RTL9: variants seen among roughly 807,000 people sequenced by gnomAD.
The protein encoded by RTL9 is retrotransposon Gag-like protein 9.
RTL9 carries 19 observed loss-of-function variants against 44.7 expected under a neutral mutation model. The observed-to-expected ratio is 0.42, with a 90% confidence interval of 0.30 to 0.62. RTL9 has a LOEUF of 0.62. Among genes scored for constraint, RTL9 ranks in the 20% least tolerant of loss-of-function variants. The probability of loss-of-function intolerance (pLI) is 0.16; values close to 1 mark genes in which losing one functional copy is unlikely to be tolerated. For missense variants in RTL9, 1,105 were observed against 1,080.6 expected (o/e 1.02, Z -0.32); for synonymous variants, 407 against 398.9 (o/e 1.02, Z -0.24).
chrX:110,401,169 C>G (rs2068561985), intron 1 of RTL9, among the ~76,000 whole-genome samples: 1 of 112,347 alleles, frequency 8.9e-6, no homozygotes, highest in African/African-American at 3.2e-5. Flanking sequence ...GGCTGCAAAG[C>G]TAGGATTTGA....
chrX:110,447,926 G>T (rs1235794627), upstream of RTL9, among the ~76,000 whole-genome samples: 3 of 111,702 alleles, frequency 2.7e-5, no homozygotes, highest in Admixed American at 9.5e-5. Flanking sequence ...GAAAACTGGA[G>T]TACTCTGGTA....
At chrX:110,410,294 A>C (rs2068633241) in intron 1 of RTL9, among the ~76,000 whole-genome samples, 1 of 111,845 alleles carries the variant, frequency 8.9e-6, no homozygotes, top group South Asian at 3.8e-4. Flanking sequence ...CACTCTGCCT[A>C]GAGGTAGAGG....
intron 1 of RTL9, among the ~76,000 whole-genome samples, chrX:110,427,313 A>G (rs12013732): frequency 3.0e-3 from 340 of 112,012 alleles, no homozygotes; most frequent in African/African-American, 9.4e-3. Context: ...AAATAGCCTC[A>G]CAACACCTGA....
In RTL9 at chrX:110,443,692, C is replaced by T. The variant is rs768736600; in HGVS notation, c.-167-1461C>T. Among the ~76,000 whole-genome samples the T allele has an allele frequency of 4.5e-4, 51 of 112,354 alleles. No individual in the cohort carries two copies. The South Asian group carries it at 0.011, about 25-fold the overall frequency. ...AATGCTTAGTAGTTGTAAACACGAT[C>T]GGATCTGCACTTCAGGGTGGGTGCA... is the stretch of plus-strand genomic sequence containing the variant. On this transcript the variant is annotated intron_variant, in intron 1 of 3. Coordinates refer to the RTL9 transcript ENST00000465301.
At chrX:110,453,976 C>T (rs1478765898) in exon 1 of RTL9, 1 of 1,210,362 alleles carries the variant, frequency 8.3e-7, no homozygotes, top group Non-Finnish European at 1.1e-6. Context: ...TCAAAGCCCA[C>T]ATCGCACATG....
At chrX:110,391,717 C>T (rs1163676888) in intron 1 of RTL9, among the ~76,000 whole-genome samples, 1 of 112,169 alleles carries the variant, frequency 8.9e-6, no homozygotes. Context: ...ATATACAAAG[C>T]CATAACATGT....
chrX:110,427,530 A>G (rs773108345), intron 1 of RTL9, among the ~76,000 whole-genome samples: 1 of 112,121 alleles, frequency 8.9e-6, no homozygotes, highest in African/African-American at 3.2e-5. Context: ...ATGGTTCTCA[A>G]TCCTGGCTGC....
At chrX:110,434,551 A>G (rs1242604358) in intron 1 of RTL9, among the ~76,000 whole-genome samples, 1 of 111,231 alleles carries the variant, frequency 9.0e-6, no homozygotes, top group African/African-American at 3.3e-5. Context: ...GGTCAAGGAG[A>G]GGGAAAAGGT....
intron 1 of RTL9, among the ~76,000 whole-genome samples, chrX:110,380,353 C>CA (rs59978261): frequency 8.2e-5 from 9 of 109,897 alleles, no homozygotes; most frequent in Non-Finnish European, 1.5e-4. Context: ...AATAGCCATA[C>CA]AAAAAAAATT....
chrX:110,381,622 T>C (rs1167273740), intron 1 of RTL9, among the ~76,000 whole-genome samples: 1 of 111,813 alleles, frequency 8.9e-6, no homozygotes, highest in Non-Finnish European at 1.9e-5. Context: ...CACCTGCACT[T>C]GTATGTTCAT....
intron 1 of RTL9, among the ~76,000 whole-genome samples, chrX:110,385,473 A>G (rs1602954846): frequency 9.0e-6 from 1 of 111,386 alleles, no homozygotes; most frequent in Non-Finnish European, 1.9e-5. Flanking sequence ...CATTACCCCA[A>G]AAAGGAATCT....
intron 1 of RTL9, among the ~76,000 whole-genome samples, chrX:110,433,377 TC>T (rs2148333433): frequency 8.9e-6 from 1 of 111,804 alleles, no homozygotes; most frequent in African/African-American, 3.2e-5. Context: ...CAGTCTGTTG[TC>T]AGTGACAATG....
upstream of RTL9, among the ~76,000 whole-genome samples, chrX:110,415,117 T>G (rs764407812): frequency 4.5e-5 from 5 of 112,289 alleles, no homozygotes; most frequent in Non-Finnish European, 9.4e-5. Flanking sequence ...GGAAGCATCT[T>G]GAGAACTGGG....
At chrX:110,417,501 C>T (rs1453811413), upstream of RTL9, among the ~76,000 whole-genome samples, 3 of 111,698 alleles carry the variant, frequency 2.7e-5, no homozygotes, top group Non-Finnish European at 5.6e-5. Context: ...ATGCGATAAG[C>T]CCTGTGCTTA....
chrX:110,450,571 TCTTGC>T, exon 1 of RTL9: 2 of 1,095,836 alleles, frequency 1.8e-6, no homozygotes, highest in Non-Finnish European at 2.5e-6. Context: ...TTACAGATTT[TCTTGC>T]CTCCTGGGCT....
chrX:110,451,426 C>T (rs752352026), exon 1 of RTL9: 4 of 1,210,182 alleles, frequency 3.3e-6, no homozygotes, highest in African/African-American at 3.5e-5. Context: ...GCAATATCCT[C>T]ACTGATAATG....
At chrX:110,359,290 C>A (rs1366719107) in intron 1 of RTL9, among the ~76,000 whole-genome samples, 1 of 111,208 alleles carries the variant, frequency 9.0e-6, no homozygotes, top group Non-Finnish European at 1.9e-5. Flanking sequence ...TTCCCTTACC[C>A]CTTTGGCTTT....
chrX:110,362,885 T>C lies in RTL9; in HGVS notation c.-168+3969T>C, dbSNP rs185047337. 1.9e-4 allele frequency among the ~76,000 whole-genome samples: 21 copies of C among 112,078 alleles called. No individual in the cohort carries two copies. In the East Asian group the frequency reaches 5.3e-3, roughly 28 times the overall value. On this transcript the variant is annotated intron_variant, in intron 1 of 2. Coordinates refer to the RTL9 transcript ENST00000520821. ...GGGGGATTTATATATATTAATTCAT[T>C]TAATTCTTATAAAACACCTAAGTGA... is the stretch of plus-strand genomic sequence containing the variant.
At chrX:110,388,066 A>T (rs1274515579) in intron 1 of RTL9, among the ~76,000 whole-genome samples, 2 of 110,120 alleles carry the variant, frequency 1.8e-5, no homozygotes, top group Admixed American at 1.9e-4. Flanking sequence ...ACGGGGTTTC[A>T]TCATGTTAGC....
Sources: allele counts gnomAD v4.1 joint callset (sites outside exome capture counted in the v4.1 genomes callset), GRCh38; gene constraint gnomAD v4.1.1; transcripts MANE v1.5; gene names NCBI Gene and HGNC (gene_info 2026-07-23, HGNC 2026-07-21).